EXOC6: variants seen among roughly 807,000 people sequenced by gnomAD.
The protein encoded by EXOC6 is SEC15-like 1.
EXOC6 carries 60 observed loss-of-function variants against 112.5 expected under a neutral mutation model. That is an observed-to-expected ratio of 0.53 (90% CI 0.43 to 0.66). The LOEUF is 0.66. Ranked by LOEUF, EXOC6 falls within the 30% of genes least tolerant of loss-of-function variation. The pLI is 0.00. For synonymous variants in EXOC6, 295 were observed against 308.0 expected (o/e 0.96, Z 0.44); for missense variants, 855 against 957.1 (o/e 0.89, Z 1.41).
chr10:92,970,448 A>G (rs1842250215), intron 17 of EXOC6, among the ~76,000 whole-genome samples: 1 of 152,230 alleles, frequency 6.6e-6, no homozygotes, highest in South Asian at 2.1e-4. Context: ...AAAGGACTTC[A>G]GCATCTGCAG....
At chr10:93,032,644 G>C (rs961839103) in intron 20 of EXOC6, among the ~76,000 whole-genome samples, 2 of 152,148 alleles carry the variant, frequency 1.3e-5, no homozygotes, top group Admixed American at 6.5e-5. Context: ...CCTGCTTTGG[G>C]CACTGTTTTA....
In EXOC6 at chr10:92,883,610, A is replaced by G. The variant is rs1009425744; in HGVS notation, c.102-9739A>G. 5.9e-5 allele frequency among the ~76,000 whole-genome samples: 9 copies of G among 152,310 alleles called. 1 individual carries two copies. The South Asian group carries it at 1.5e-3, about 25-fold the overall frequency. ...TGAGAAATATAAAATTAAGATTTAT[A>G]TGCTAGAAATTAAGCTTGATATGCC... is the stretch of plus-strand genomic sequence containing the variant. On this transcript the variant is annotated intron_variant, in intron 1 of 21. Coordinates refer to ENST00000260762, the MANE Select transcript of EXOC6 (RefSeq NM_019053.6).
chr10:92,911,301 A>T (rs1201583823), intron 6 of EXOC6, among the ~76,000 whole-genome samples: 1 of 152,122 alleles, frequency 6.6e-6, no homozygotes, highest in East Asian at 1.9e-4. Flanking sequence ...CTTCCCCATT[A>T]TAGAGCTCCT....
At chr10:92,990,655 C>T (rs1843192005) in intron 18 of EXOC6, among the ~76,000 whole-genome samples, 1 of 152,206 alleles carries the variant, frequency 6.6e-6, no homozygotes, top group South Asian at 2.1e-4. Flanking sequence ...GGTACATGTG[C>T]AGGATGTGCA....
At chr10:92,915,983 G>C (rs1851061240) in intron 7 of EXOC6, 70 bp downstream of exon 7, 1 of 1,082,686 alleles carries the variant, frequency 9.2e-7, no homozygotes, top group South Asian at 1.7e-5. Context: ...ATGTACATCT[G>C]TGTGATTTAG....
rs778448738 is a variant in EXOC6 at position 92,928,325 on chromosome 10, T to G, written c.889-14T>G. On this transcript the variant is annotated splice_polypyrimidine_tract_variant and intron_variant, in intron 8 of 21. Coordinates refer to ENST00000260762, the MANE Select transcript of EXOC6 (RefSeq NM_019053.6). ...GTATGTGTATTTTTCATTACTCTGC[T>G]GATTTTATTTTAGGGTGACGAGGAA... The G allele has an allele frequency of 3.2e-6, 5 of 1,545,724 alleles. No individual in the cohort carries two copies. Among genetic ancestry groups the G allele is most frequent in the Middle Eastern group, 1.7e-4 (1 of 5,928 alleles).
chr10:92,969,895 T>C (rs1273172360), intron 17 of EXOC6, among the ~76,000 whole-genome samples: 1 of 152,166 alleles, frequency 6.6e-6, no homozygotes, highest in Non-Finnish European at 1.5e-5. Flanking sequence ...GGTTTCACCA[T>C]GTTGGCCAGG....
At chr10:92,924,768 T>C (rs1027041793) in intron 8 of EXOC6, among the ~76,000 whole-genome samples, 2 of 152,168 alleles carry the variant, frequency 1.3e-5, no homozygotes, top group Non-Finnish European at 2.9e-5. Flanking sequence ...AGGCTTTTAG[T>C]GTACTTGTCA....
intron 9 of EXOC6, among the ~76,000 whole-genome samples, chr10:92,930,643 G>A (rs1418690345): frequency 6.6e-6 from 1 of 151,970 alleles, no homozygotes; most frequent in Admixed American, 6.6e-5. Flanking sequence ...GGGGATCATC[G>A]ACCTAAATGT....
intron 1 of EXOC6, among the ~76,000 whole-genome samples, chr10:92,860,667 A>G (rs928051077): frequency 1.3e-5 from 2 of 152,100 alleles, no homozygotes; most frequent in Non-Finnish European, 2.9e-5. Context: ...TTCTATCTCT[A>G]TGACTATGAT....
At chr10:92,853,222 A>G (rs532428639) in intron 1 of EXOC6, among the ~76,000 whole-genome samples, 12 of 152,330 alleles carry the variant, frequency 7.9e-5, no homozygotes, top group African/African-American at 2.6e-4. Context: ...AACATTGCTG[A>G]TATAAATTAA....
At chr10:92,909,345 G>T in intron 5 of EXOC6, 82 bp from the exon 6 acceptor site, 1 of 1,011,784 alleles carries the variant, frequency 9.9e-7, no homozygotes, top group Non-Finnish European at 1.5e-6. Flanking sequence ...AATAATCAGT[G>T]TAAAACTGAT....
chr10:92,957,249 T>TG (rs1413023228), intron 17 of EXOC6, among the ~76,000 whole-genome samples: 1 of 152,162 alleles, frequency 6.6e-6, no homozygotes, highest in East Asian at 1.9e-4. Flanking sequence ...GGCTTAGAGT[T>TG]GCAGGCATAT....
intron 1 of EXOC6, among the ~76,000 whole-genome samples, chr10:92,854,007 CAAA>C (rs34153493): frequency 1.4e-4 from 17 of 120,050 alleles, no homozygotes; most frequent in Non-Finnish European, 1.9e-4. Flanking sequence ...GTCCCTGTCT[CAAA>C]AAAAAAAAAA....
intron 16 of EXOC6, among the ~76,000 whole-genome samples, chr10:92,954,979 G>C (rs559667707): frequency 6.6e-6 from 1 of 152,042 alleles, no homozygotes; most frequent in Non-Finnish European, 1.5e-5. Flanking sequence ...ATTGTTTGAG[G>C]TCAGGAGTTT....
intron 4 of EXOC6, among the ~76,000 whole-genome samples, chr10:92,898,543 T>C (rs943424611): frequency 3.9e-5 from 6 of 152,170 alleles, no homozygotes; most frequent in African/African-American, 1.4e-4. Flanking sequence ...GAGGTAGATA[T>C]GAAATTTACA....
At chr10:92,889,411 C>G (rs1249171428) in intron 1 of EXOC6, among the ~76,000 whole-genome samples, 1 of 152,130 alleles carries the variant, frequency 6.6e-6, no homozygotes, top group East Asian at 1.9e-4. Context: ...CAAAGCCTCC[C>G]CAGCGTCAAT....
intron 9 of EXOC6, among the ~76,000 whole-genome samples, chr10:92,930,256 G>A (rs554934206): frequency 2.6e-5 from 4 of 152,018 alleles, no homozygotes; most frequent in South Asian, 4.2e-4. Context: ...TAATCCCAGC[G>A]CTTTGGGAGG....
chr10:92,993,532 T>G (rs1843354739), intron 18 of EXOC6, among the ~76,000 whole-genome samples: 1 of 152,184 alleles, frequency 6.6e-6, no homozygotes, highest in Admixed American at 6.5e-5. Flanking sequence ...AATGAAAATT[T>G]AAATGGGCCA....
Sources: gnomAD v4.1 joint callset for allele counts (sites outside exome capture counted in the v4.1 genomes callset) on GRCh38, gnomAD v4.1.1 for gene constraint, MANE v1.5 for transcripts, NCBI Gene and HGNC (gene_info 2026-07-23, HGNC 2026-07-21) for gene names.